Variants in TMEM132E observed in about 807,000 individuals in gnomAD.
TMEM132E encodes transmembrane protein 132E.
TMEM132E carries 49 observed loss-of-function variants against 78.5 expected under a neutral mutation model. That is an observed-to-expected ratio of 0.62 (90% CI 0.50 to 0.79). TMEM132E has a LOEUF of 0.79. Among genes scored for constraint, TMEM132E ranks in the 30% least tolerant of loss-of-function variants. The pLI, the probability that TMEM132E is intolerant of heterozygous loss-of-function variation, is 0.00. For synonymous variants in TMEM132E, 715 were observed against 670.6 expected, an observed-to-expected ratio of 1.07 and a Z score of -1.02; for missense variants, 1,403 against 1,470.9, an observed-to-expected ratio of 0.95 and a Z score of 0.75.
chr17:34,625,945 C>G (rs1907101179), intron 1 of TMEM132E, among the ~76,000 whole-genome samples, 182 bp from the exon 2 acceptor site: 1 of 152,178 alleles, frequency 6.6e-6, no homozygotes, highest in Non-Finnish European at 1.5e-5. Flanking sequence ...GCTTGGAGCT[C>G]TGGGAGCCAG....
intron 1 of TMEM132E, among the ~76,000 whole-genome samples, chr17:34,610,442 T>C (rs1906551327): frequency 6.6e-6 from 1 of 152,178 alleles, no homozygotes; most frequent in South Asian, 2.1e-4. Flanking sequence ...AAGTAAAACA[T>C]GCAAACCGAC....
intron 1 of TMEM132E, among the ~76,000 whole-genome samples, chr17:34,604,400 A>G (rs923509344): frequency 2.0e-5 from 3 of 152,106 alleles, no homozygotes; most frequent in South Asian, 2.1e-4. Context: ...AAATCTGACC[A>G]TGTCACCGGC....
intron 1 of TMEM132E, among the ~76,000 whole-genome samples, chr17:34,609,572 T>A (rs140952342): frequency 1.0e-3 from 155 of 152,302 alleles, no homozygotes; most frequent in African/African-American, 3.6e-3. Flanking sequence ...CCCCTGCCTT[T>A]GCCCTGCTGT....
At chr17:34,609,445 C>T (rs1201557010) in intron 1 of TMEM132E, among the ~76,000 whole-genome samples, 3 of 152,152 alleles carry the variant, frequency 2.0e-5, no homozygotes, top group South Asian at 2.1e-4. Flanking sequence ...AGCAGGGGAG[C>T]TCTTTCCTCC....
chr17:34,596,853 CAAAAA>C (rs35038070), intron 1 of TMEM132E, among the ~76,000 whole-genome samples: 2 of 72,368 alleles, frequency 2.8e-5, no homozygotes, highest in African/African-American at 5.1e-5. Context: ...CTAAGTAGCT[CAAAAA>C]AAAAAAAAAA....
intron 8 of TMEM132E, among the ~76,000 whole-genome samples, chr17:34,636,599 G>C (rs1382530529): frequency 1.3e-5 from 2 of 152,112 alleles, no homozygotes; most frequent in African/African-American, 4.8e-5. Context: ...GAGAGTCCTG[G>C]GGAGTGAGGA....
intron 1 of TMEM132E, 59 bp from the exon 2 acceptor site, chr17:34,626,068 G>C: frequency 7.1e-7 from 1 of 1,407,894 alleles, no homozygotes; most frequent in Non-Finnish European, 9.4e-7. Flanking sequence ...GGGGCACCCT[G>C]GGGTCCCAGC....
chr17:34,638,256 A>ACCC lies in TMEM132E; in HGVS notation c.*33_*35dup, dbSNP rs746915644. 4.8e-4 allele frequency: 589 copies of ACCC among 1,236,642 alleles called. No homozygotes were observed. The highest frequency in any genetic ancestry group is 3.7e-3 in the South Asian group (218 of 59,644). The allele number at this position is 1,236,642 out of a possible 1,614,324, so 76.6% of individuals were successfully genotyped here. A position where few individuals can be genotyped will look rare whatever the true frequency, so the allele number is the denominator to read the frequency against. ...AGAGGCGCCAGCCGGAGTAGCAGGG[A>ACCC]CCCCCCCCCCCAACGGGGTCAGCTC... is the stretch of plus-strand genomic sequence containing the variant. On this transcript the variant is annotated 3_prime_UTR_variant, in exon 9 of 9. Transcript: ENST00000631683.
At chr17:34,582,514 A>AG (rs34545022) in intron 1 of TMEM132E, among the ~76,000 whole-genome samples, 1 of 151,222 alleles carries the variant, frequency 6.6e-6, no homozygotes, top group South Asian at 2.1e-4. Context: ...AGGTAACACC[A>AG]GGGGGGGTTG....
Position 34,629,026 on chromosome 17 carries a change from CCTTGGAGAT to C in TMEM132E, c.1165_1173del (p.Glu389_Leu391del). Reference sequence around the variant, plus strand: ...TACCCTGGCAGGGAGGGCCAGGGCCCCTTGGAGATCTTGCAGCTGGACTTTGAAATGGAG... The same window carrying C: ...TACCCTGGCAGGGAGGGCCAGGGCCCCTTGCAGCTGGACTTTGAAATGGAG... On this transcript the variant is annotated inframe_deletion, in exon 4 of 9. Transcript: ENST00000631683. 6.4e-7 allele frequency: 1 copy of C among 1,571,636 alleles called. No homozygotes were observed. The highest frequency in any genetic ancestry group is 8.7e-7 in the Non-Finnish European group (1 of 1,155,410).
In TMEM132E at chr17:34,633,284, CT is replaced by C. The variant is rs1169730541; in HGVS notation, c.1688+376del. On this transcript the variant is annotated intron_variant, in intron 6 of 8. Transcript: ENST00000631683. ...CTTCCTGGAAGAGACAACTCTTGAG[CT>C]AAGTCTTAAAGGATGAACTGAAAGG... is the stretch of plus-strand genomic sequence containing the variant. Among the ~76,000 whole-genome samples the C allele has an allele frequency of 2.6e-5, 4 of 152,338 alleles. No homozygotes were observed. In the East Asian group the frequency reaches 7.7e-4, roughly 29 times the overall value.
In TMEM132E at chr17:34,634,796, C is replaced by T. The variant is rs771324019; in HGVS notation, c.1689-3C>T. ...CCTTCAGCATGGCATGTCCCCACCCCAGGTCAGTCCGGGAAAGCGAGGATG... is the reference window on the plus strand; with the variant it reads ...CCTTCAGCATGGCATGTCCCCACCCTAGGTCAGTCCGGGAAAGCGAGGATG... On this transcript the variant is annotated splice_polypyrimidine_tract_variant and splice_region_variant and intron_variant, in intron 6 of 8. Transcript: ENST00000631683. 10 of 1,610,534 alleles carry T rather than the reference C, an allele frequency of 6.2e-6. No homozygotes were observed. In the South Asian group the frequency reaches 9.9e-5, roughly 16 times the overall value.
chr17:34,616,651 A>G (rs557793732), intron 1 of TMEM132E, among the ~76,000 whole-genome samples: 2 of 152,172 alleles, frequency 1.3e-5, no homozygotes, highest in Non-Finnish European at 2.9e-5. Flanking sequence ...GGTCCTAGAG[A>G]TGGGGTCTGC....
chr17:34,638,359 G>C lies in TMEM132E; in HGVS notation c.*127G>C, dbSNP rs1907620576. 1 of 1,087,754 alleles carries C rather than the reference G, an allele frequency of 9.2e-7. No homozygotes were observed. Among genetic ancestry groups the C allele is most frequent in the Non-Finnish European group, 1.3e-6 (1 of 782,846 alleles). 67.4% of individuals were successfully genotyped at this position (1,087,754 alleles called of 1,614,324 possible). ...TGATTTTGTACTCCCTGCCCCTGCA[G>C]CTTGGCTCCGTGCGGAGCGGGCCGC... On this transcript the variant is annotated 3_prime_UTR_variant, in exon 9 of 9. Coordinates refer to ENST00000631683, the MANE Select transcript of TMEM132E (RefSeq NM_001304438.2).
intron 1 of TMEM132E, among the ~76,000 whole-genome samples, chr17:34,598,940 C>T (rs916989222): frequency 1.3e-5 from 2 of 152,180 alleles, no homozygotes; most frequent in East Asian, 1.9e-4. Flanking sequence ...CAGACCCTGG[C>T]CCCCAGCCTC....
intron 1 of TMEM132E, among the ~76,000 whole-genome samples, chr17:34,606,735 C>T (rs543893791): frequency 4.1e-4 from 63 of 152,208 alleles, no homozygotes; most frequent in Admixed American, 1.2e-3. Context: ...AGTGATGTGC[C>T]ATTCCTGAAC....
intron 1 of TMEM132E, among the ~76,000 whole-genome samples, chr17:34,620,214 C>T (rs367700082): frequency 1.3e-5 from 2 of 152,142 alleles, no homozygotes; most frequent in African/African-American, 4.8e-5. Flanking sequence ...AGGCAGAGGG[C>T]CCCTGCTGTG....
intron 1 of TMEM132E, among the ~76,000 whole-genome samples, chr17:34,625,475 T>G (rs1227258223): frequency 1.3e-5 from 2 of 152,190 alleles, no homozygotes; most frequent in Admixed American, 6.5e-5. Flanking sequence ...CTGGCCCCTT[T>G]GCCCATATAA....
At position 34,616,944 on chromosome 17, in the gene TMEM132E, G is replaced by A. The variant is rs147057283; in HGVS notation, c.68-9183G>A. On this transcript the variant is annotated intron_variant, in intron 1 of 8. Transcript: ENST00000631683. ...GGCACCGGGCTTGGCGAGCAGAGCCGGGGCTGGGTTTTAACCTCTGTTTGC... is the reference window on the plus strand; with the variant it reads ...GGCACCGGGCTTGGCGAGCAGAGCCAGGGCTGGGTTTTAACCTCTGTTTGC... Among the ~76,000 whole-genome samples, 49 of 152,322 alleles carry A rather than the reference G, an allele frequency of 3.2e-4. 1 individual carries two copies. In the South Asian group the frequency reaches 6.4e-3, roughly 20 times the overall value.
Sources: gnomAD v4.1 joint callset for allele counts (sites outside exome capture counted in the v4.1 genomes callset) on GRCh38, gnomAD v4.1.1 for gene constraint, MANE v1.5 for transcripts, NCBI Gene and HGNC (gene_info 2026-07-23, HGNC 2026-07-21) for gene names.